PCNX3: variants seen among roughly 807,000 people sequenced by gnomAD.
PCNX3 encodes pecanex 3.
A neutral mutation model predicts 207.2 loss-of-function variants in PCNX3; 58 were observed. The observed-to-expected ratio is 0.28, with a 90% CI of 0.23 to 0.35. The LOEUF is 0.35. Ranked by LOEUF, PCNX3 falls within the 10% of genes least tolerant of loss-of-function variation. The pLI is 1.00. For missense variants in PCNX3, 2,410 were observed against 2,774.4 expected, an observed-to-expected ratio of 0.87 and a Z score of 2.95; for synonymous variants, 1,337 against 1,183.5, an observed-to-expected ratio of 1.13 and a Z score of -2.66.
At chr11:65,624,675 T>A in intron 15 of PCNX3, 94 bp downstream of exon 15, 4 of 1,186,030 alleles carry the variant, frequency 3.4e-6, no homozygotes, top group Non-Finnish European at 3.6e-6. Flanking sequence ...TGCGGAACCT[T>A]CTCCTGCGTC....
chr11:65,625,489 G>C lies in PCNX3; in HGVS notation c.3114G>C (p.Pro1038=). Reference sequence around the variant, plus strand: ...GGGCCGAGCCCCCGGACCCCTTGCCGGACAAGATGCGCCAGTCGGTGGTGA... The same window carrying C: ...GGGCCGAGCCCCCGGACCCCTTGCCCGACAAGATGCGCCAGTCGGTGGTGA... The part of the protein sequence containing the change: ...TARAEPPDPL[P]DKMRQSVREV... Residue 1038 remains proline (P), a synonymous_variant, in exon 18 of 35, where the codon CCG becomes CCC. Coordinates refer to ENST00000355703, the MANE Select transcript of PCNX3 (RefSeq NM_032223.4). The surrounding 1 kb of genome is among the most constrained non-coding windows in gnomAD (Gnocchi z 5.6). 6.2e-7 allele frequency: 1 copy of C among 1,604,482 alleles called. No homozygotes were observed. The highest frequency in any genetic ancestry group is 1.1e-5 in the South Asian group (1 of 91,012).
In PCNX3 at chr11:65,619,482, C is replaced by G. The variant is rs1216463650; in HGVS notation, c.1706-55C>G. The G allele has an allele frequency of 2.1e-5, 34 of 1,593,308 alleles. No individual in the cohort carries two copies. The East Asian group carries it at 7.4e-4, about 35-fold the overall frequency. On this transcript the variant is annotated intron_variant, in intron 6 of 34. Coordinates refer to ENST00000355703, the MANE Select transcript of PCNX3 (RefSeq NM_032223.4). ...CGGAACACCGTCCCCAACCTTACTCCCCCAGCCTTGTCTGAGCATCTGTCA... is the reference window on the plus strand; with the variant it reads ...CGGAACACCGTCCCCAACCTTACTCGCCCAGCCTTGTCTGAGCATCTGTCA...
Position 65,625,192 on chromosome 11 carries a change from G to T in PCNX3, c.2941G>T (p.Val981Phe). ...GCAGACTCCGTGGCCAGAGCAGCAC[G>T]TCCCTGTCCTCTTCTCAGTCTTCTG... ...AIKTPWPEQH[V>F]PVLFSVFCGL... The change falls in exon 17 of 35, where the codon GTC becomes TTC. Residue 981 changes from valine to phenylalanine, a missense_variant. Val to Phe is a conservative substitution (Grantham distance 50). Coordinates refer to ENST00000355703, the MANE Select transcript of PCNX3 (RefSeq NM_032223.4). This position sits in a 1 kb window ranked among gnomAD's most constrained non-coding sequence, Gnocchi z 5.6. 6.2e-7 allele frequency: 1 copy of T among 1,609,614 alleles called. No individual in the cohort carries two copies. Among genetic ancestry groups the T allele is most frequent in the Non-Finnish European group, 8.5e-7 (1 of 1,179,220 alleles).
In PCNX3 at chr11:65,637,191, G is replaced by A. The variant is rs1407918914; in HGVS notation, c.*213G>A. ...CCCAGTCCAGGGCCTGGGCTCCCCA[G>A]ATGGAGGCAGTCAGCCTCCCAGCCA... On this transcript the variant is annotated 3_prime_UTR_variant, in exon 35 of 35. Transcript: ENST00000355703. 1 of 592,468 alleles carries A rather than the reference G, an allele frequency of 1.7e-6. No homozygotes were observed. Among genetic ancestry groups the A allele is most frequent in the African/African-American group, 1.9e-5 (1 of 53,742 alleles). The allele number at this position is 592,468 out of a possible 1,614,324, so 36.7% of individuals were successfully genotyped here.
At position 65,637,263 on chromosome 11, in the gene PCNX3, C is replaced by A; in HGVS notation, c.*285C>A. 1 of 474,174 alleles carries A rather than the reference C, an allele frequency of 2.1e-6. No individual in the cohort carries two copies. The highest frequency in any genetic ancestry group is 3.8e-6 in the Non-Finnish European group (1 of 262,050). The allele number at this position is 474,174 out of a possible 1,614,324, so 29.4% of individuals were successfully genotyped here. ...GGCTGGTCCCACTTGGAGCCTGTGG[C>A]CAGGACCACCTCAGCCCCTGGGCCT... On this transcript the variant is annotated 3_prime_UTR_variant, in exon 35 of 35. Coordinates refer to ENST00000355703, the MANE Select transcript of PCNX3 (RefSeq NM_032223.4).
rs747348851 is a variant in PCNX3 at position 65,623,513 on chromosome 11, A to T, written c.2380A>T (p.Ile794Phe). The T allele has an allele frequency of 2.5e-6, 4 of 1,611,892 alleles. No individual in the cohort carries two copies. In the African/African-American group the frequency reaches 5.3e-5, roughly 22 times the overall value. Residue 794 changes from isoleucine (I) to phenylalanine (F), a missense_variant, in exon 12 of 35, where the codon ATC becomes TTC. By Grantham distance (21) the Ile-to-Phe change is conservative. Transcript: ENST00000355703. ...CAGGACGCGGGGAGTGCTGGAGAAC[A>T]TCTTCGGCGTGGGCCTGAGCAGCCT... ...LDRTRGVLEN[I>F]FGVGLSSLVA...
At chr11:65,616,694 G>A in intron 1 of PCNX3, 130 bp from the exon 2 acceptor site, 1 of 1,100,042 alleles carries the variant, frequency 9.1e-7, no homozygotes, top group Non-Finnish European at 1.3e-6. Flanking sequence ...CGAGGTCTGT[G>A]TACTGGTTGT....
rs1565168948 is a variant in PCNX3 at position 65,630,393 on chromosome 11, G to A, written c.4259G>A (p.Gly1420Asp). ...QQREVEAITE[G>D]VEEDEGCCCC... ...CGCGAGGTGGAGGCTATCACCGAGG[G>A]TGTGGAGGAGGACGAGGGCTGTTGC... The change falls in exon 27 of 35, where the codon GGT (glycine) becomes GAT (aspartate). Residue 1420 changes from glycine (G) to aspartate (D), a missense_variant. By Grantham distance (94) the Gly-to-Asp change is moderately conservative (BLOSUM62 -1). Transcript: ENST00000355703. The A allele has an allele frequency of 6.2e-7, 1 of 1,613,460 alleles. No individual in the cohort carries two copies. Among genetic ancestry groups the A allele is most frequent in the Non-Finnish European group, 8.5e-7 (1 of 1,179,894 alleles).
intron 9 of PCNX3, 38 bp from the exon 10 acceptor site, chr11:65,620,793 C>G (rs1192718434): frequency 6.3e-7 from 1 of 1,582,758 alleles, no homozygotes; most frequent in African/African-American, 1.4e-5. Flanking sequence ...CCCCAGGGCT[C>G]GCCCGTGGGG....
chr11:65,635,891 G>A lies in PCNX3; in HGVS notation c.5459+88G>A. The A allele has an allele frequency of 2.0e-6, 3 of 1,468,318 alleles. No individual in the cohort carries two copies. Among genetic ancestry groups the A allele is most frequent in the East Asian group, 2.4e-5 (1 of 41,092 alleles). 91.0% of individuals were successfully genotyped at this position (1,468,318 alleles called of 1,614,324 possible). ...CTGGGTCTCAGAGGGAGGACGTGCT[G>A]GAGCCAGGGCTTGAATCCCGAGAGA... is the stretch of plus-strand genomic sequence containing the variant. On this transcript the variant is annotated intron_variant, in intron 32 of 34. Transcript: ENST00000355703. This position sits in a 1 kb window ranked among gnomAD's most constrained non-coding sequence, Gnocchi z 9.9.
In PCNX3 at chr11:65,617,665, C is replaced by A; in HGVS notation, c.536C>A (p.Ala179Asp). Residue 179 changes from alanine to aspartate, a missense_variant, in exon 5 of 35, where the codon GCC (alanine) becomes GAC (aspartate). This residue lies in a region of PCNX3 where 1,104 missense variants were observed against 970.3 expected (regional missense o/e 1.14). Coordinates refer to ENST00000355703, the MANE Select transcript of PCNX3 (RefSeq NM_032223.4). ...QGSNNVIVTSADREMLKLSSQ... is the reference protein window; with the variant it reads ...QGSNNVIVTSDDREMLKLSSQ... The stretch of plus-strand genomic sequence containing the variant: ...AGCAACAATGTGATCGTGACTTCTG[C>A]CGACCGAGAGATGCTGAAGCTCAGC... The A allele has an allele frequency of 6.3e-7, 1 of 1,587,554 alleles. No homozygotes were observed. Among genetic ancestry groups the A allele is most frequent in the Non-Finnish European group, 8.6e-7 (1 of 1,166,830 alleles).
chr11:65,616,843 T>G lies in PCNX3; in HGVS notation c.173T>G (p.Met58Arg). 1 of 1,612,934 alleles carries G rather than the reference T, an allele frequency of 6.2e-7. No individual in the cohort carries two copies. ...CTTCAGGTCCTGCCTCCCAGCTTGA[T>G]GGTGGCCGGCGTGTACTGCCTCGTG... ...LLYMVLPPSL[M>R]VAGVYCLVVA... Residue 58 changes from methionine to arginine, a missense_variant, in exon 2 of 35, where the codon ATG (methionine) becomes AGG (arginine). Around this residue, in one of 8 missense-constraint regions of PCNX3, gnomAD observed 1,104 missense variants for 970.3 expected, o/e 1.14. Transcript: ENST00000355703.
chr11:65,626,061 G>A lies in PCNX3; in HGVS notation c.3379+7G>A. ...AGCCAGTATGAAGTGCGCGGTGAGT[G>A]CCCACCCCTGATGGCCAGGCCTGGG... On this transcript the variant is annotated splice_region_variant and intron_variant, in intron 20 of 34. Coordinates refer to ENST00000355703, the MANE Select transcript of PCNX3 (RefSeq NM_032223.4). 6.3e-7 allele frequency: 1 copy of A among 1,594,236 alleles called. No homozygotes were observed. The highest frequency in any genetic ancestry group is 8.5e-7 in the Non-Finnish European group (1 of 1,171,610).
At chr11:65,634,825 GAGA>G (rs1855761603) in intron 29 of PCNX3, 145 bp from the exon 30 acceptor site, 1 of 1,277,342 alleles carries the variant, frequency 7.8e-7, no homozygotes, top group Non-Finnish European at 1.1e-6. Flanking sequence ...AGTGCTCTGT[GAGA>G]GACATGGGCA....
In PCNX3 at chr11:65,628,602, A is replaced by G; in HGVS notation, c.3710A>G (p.Asp1237Gly). 6.2e-7 allele frequency: 1 copy of G among 1,613,072 alleles called. No individual in the cohort carries two copies. The highest frequency in any genetic ancestry group is 1.1e-5 in the South Asian group (1 of 91,080). ...CCCTGTTGGCCCTGCCAGCTGTGGGACTTGCTGTACAAGCTGCGTTTCGTG... is the reference window on the plus strand; with the variant it reads ...CCCTGTTGGCCCTGCCAGCTGTGGGGCTTGCTGTACAAGCTGCGTTTCGTG... ...LMSLLCSKLW[D>G]LLYKLRFVLT... Residue 1237 changes from aspartate to glycine, a missense_variant, in exon 23 of 35, where the codon GAC becomes GGC. Asp to Gly is a moderately conservative substitution (Grantham distance 94). This residue lies in a region of PCNX3 where 420 missense variants were observed against 705.3 expected (regional missense o/e 0.60). Transcript: ENST00000355703.
In PCNX3 at chr11:65,617,467, C is replaced by G. The variant is rs111945490; in HGVS notation, c.442-3C>G. The G allele has an allele frequency of 6.2e-7, 1 of 1,613,924 alleles. No individual in the cohort carries two copies. Among genetic ancestry groups the G allele is most frequent in the Non-Finnish European group, 8.5e-7 (1 of 1,179,884 alleles). The stretch of plus-strand genomic sequence containing the variant: ...GTTCCTTCATGGCTCTCTGTCTACT[C>G]AGGAGCTGCTGCCCCGAATGGAGGA... On this transcript the variant is annotated splice_region_variant and splice_polypyrimidine_tract_variant and intron_variant, in intron 3 of 34. Transcript: ENST00000355703.
Position 65,636,378 on chromosome 11 carries a change from C to T in PCNX3, c.5594-13C>T. ...CCAGCTGAGGCCTCTGCTGTCTTAT[C>T]TGTCTCCTACAGGCAATGGTGACCA... On this transcript the variant is annotated splice_polypyrimidine_tract_variant and intron_variant, in intron 33 of 34. Transcript: ENST00000355703. 1 of 1,577,104 alleles carries T rather than the reference C, an allele frequency of 6.3e-7. No individual in the cohort carries two copies. Among genetic ancestry groups the T allele is most frequent in the Non-Finnish European group, 8.6e-7 (1 of 1,160,836 alleles).
chr11:65,616,877 C>T lies in PCNX3; in HGVS notation c.207C>T (p.Val69=), dbSNP rs370912777. ...GCGTGTACTGCCTCGTGGTGGCTGT[C>T]ATCTTTGCTACTATCAAGACTGTCA... ...VAGVYCLVVA[V]IFATIKTVNY... The change falls in exon 2 of 35, where the codon GTC becomes GTT. Residue 69 remains valine (V), a synonymous_variant. Transcript: ENST00000355703. The T allele has an allele frequency of 2.5e-5, 41 of 1,613,556 alleles. No individual in the cohort carries two copies. Among genetic ancestry groups the T allele is most frequent in the East Asian group, 2.2e-5 (1 of 44,904 alleles).
chr11:65,617,315 C>T lies in PCNX3; in HGVS notation c.407C>T (p.Ser136Phe), dbSNP rs377059914. The change falls in exon 3 of 35, where the codon TCC becomes TTC. Residue 136 changes from serine to phenylalanine, a missense_variant. Ser to Phe is a radical substitution (Grantham distance 155, BLOSUM62 -2). Transcript: ENST00000355703. ...VSSTPPVRCS[S>F]QHSVFGFNQV... ...TCCACACCCCCGGTGCGCTGCAGCT[C>T]CCAGCACTCTGTGTTTGGCTTCAAC... 6.2e-7 allele frequency: 1 copy of T among 1,612,678 alleles called. No homozygotes were observed. The highest frequency in any genetic ancestry group is 1.7e-5 in the Admixed American group (1 of 59,850).
Sources: allele counts gnomAD v4.1 joint callset, GRCh38; gene constraint gnomAD v4.1.1; regional missense constraint gnomAD v4.1.1; non-coding constraint Gnocchi (gnomAD v3.1); transcripts MANE v1.5; gene names NCBI Gene and HGNC (gene_info 2026-07-23, HGNC 2026-07-21).